Variants in AUTS2 observed in about 807,000 individuals in gnomAD.
The protein encoded by AUTS2 is activator of transcription and developmental regulator AUTS2.
Under a neutral mutation model 112.4 loss-of-function variants are expected in AUTS2, and 17 were observed. That is an observed-to-expected ratio of 0.15 (90% CI 0.10 to 0.23). The LOEUF is 0.23. Ranked by LOEUF, AUTS2 falls within the 10% of genes least tolerant of loss-of-function variation. The pLI is 1.00. For synonymous variants in AUTS2, 751 were observed against 702.7 expected, an observed-to-expected ratio of 1.07 and a Z score of -1.09; for missense variants, 1,510 against 1,701.6, an observed-to-expected ratio of 0.89 and a Z score of 1.98.
intron 1 of AUTS2, among the ~76,000 whole-genome samples, chr7:69,729,749 G>T (rs1206995016): frequency 1.3e-5 from 2 of 151,912 alleles, no homozygotes; most frequent in Non-Finnish European, 2.9e-5. Context: ...CCTTATCTGT[G>T]TACAGTTTAC....
chr7:70,441,834 G>A (rs981155090), intron 5 of AUTS2, among the ~76,000 whole-genome samples: 68 of 152,282 alleles, frequency 4.5e-4, no homozygotes, highest in African/African-American at 1.5e-3. Flanking sequence ...AACTTGGCTC[G>A]TGCAGGAGTC....
At chr7:69,820,112 T>C (rs746876385) in intron 1 of AUTS2, among the ~76,000 whole-genome samples, 27 of 152,154 alleles carry the variant, frequency 1.8e-4, no homozygotes, top group Non-Finnish European at 3.7e-4. Context: ...CTGGGAGTCA[T>C]ATACATGCAG....
chr7:70,371,933 G>A (rs907295071), intron 4 of AUTS2, among the ~76,000 whole-genome samples: 1 of 152,130 alleles, frequency 6.6e-6, no homozygotes, highest in African/African-American at 2.4e-5. Context: ...ATTTCTCTAG[G>A]ACTAAAGTAT....
intron 4 of AUTS2, among the ~76,000 whole-genome samples, chr7:70,356,933 C>T (rs1455254738): frequency 5.3e-5 from 8 of 152,130 alleles, no homozygotes; most frequent in Admixed American, 5.2e-4. Context: ...TTTCCTGTTG[C>T]TTCAAAATGA....
chr7:69,623,019 CAT>C (rs1793748514), intron 1 of AUTS2, among the ~76,000 whole-genome samples: 1 of 152,102 alleles, frequency 6.6e-6, no homozygotes, highest in Non-Finnish European at 1.5e-5. Context: ...TTTTGTCACA[CAT>C]GTTGGGTATG....
At chr7:70,763,465 T>A in intron 7 of AUTS2, 124 bp downstream of exon 7, 1 of 708,618 alleles carries the variant, frequency 1.4e-6, no homozygotes, top group Admixed American at 3.0e-5. Flanking sequence ...TCCTTTTCTC[T>A]GAGACTAGAG....
At chr7:69,984,193 G>A (rs999895888) in intron 2 of AUTS2, among the ~76,000 whole-genome samples, 18 of 151,986 alleles carry the variant, frequency 1.2e-4, no homozygotes, top group Admixed American at 1.0e-3. Flanking sequence ...CAAGGCGGGC[G>A]GATCACGAGG....
intron 2 of AUTS2, among the ~76,000 whole-genome samples, chr7:69,938,518 G>T (rs1222958295): frequency 1.3e-5 from 2 of 152,224 alleles, no homozygotes; most frequent in Non-Finnish European, 2.9e-5. Context: ...ATCCACCATT[G>T]TGAGATTATA....
chr7:70,521,104 C>T (rs1411363522), intron 5 of AUTS2, among the ~76,000 whole-genome samples: 1 of 152,150 alleles, frequency 6.6e-6, no homozygotes, highest in Admixed American at 6.5e-5. Context: ...GGTGTTTGGT[C>T]ACTGAGTAGA....
At chr7:70,183,364 G>A (rs559715091) in intron 4 of AUTS2, among the ~76,000 whole-genome samples, 7 of 152,092 alleles carry the variant, frequency 4.6e-5, no homozygotes, top group Admixed American at 6.5e-5. Context: ...GGGTAATTAC[G>A]CTAGCATTGC....
rs960362196 is a variant in AUTS2 at position 70,377,898 on chromosome 7, G to A, written c.661-57854G>A. 5.3e-5 allele frequency among the ~76,000 whole-genome samples: 8 copies of A among 150,732 alleles called. No individual in the cohort carries two copies. In the East Asian group the frequency reaches 1.6e-3, roughly 30 times the overall value. On this transcript the variant is annotated intron_variant, in intron 4 of 18. Transcript: ENST00000342771. ...CCATTCTCCTGCCTCAGCCTCCCAA[G>A]TAGCTGGGACTACAAGCGCCCGCCA...
At chr7:70,643,562 T>C (rs1313447320) in intron 5 of AUTS2, among the ~76,000 whole-genome samples, 2 of 152,132 alleles carry the variant, frequency 1.3e-5, no homozygotes, top group Non-Finnish European at 2.9e-5. Context: ...AGAGCGAGAC[T>C]CCGTCTAAAA....
At position 70,787,233 on chromosome 7, in the gene AUTS2, A is replaced by G. The variant is rs1397089237; in HGVS notation, c.2333A>G (p.Lys778Arg). The G allele has an allele frequency of 6.2e-7, 1 of 1,614,206 alleles. No homozygotes were observed. The highest frequency in any genetic ancestry group is 1.3e-5 in the African/African-American group (1 of 75,048). The change falls in exon 18 of 19, where the codon AAG becomes AGG. Residue 778 changes from lysine to arginine, a missense_variant. Coordinates refer to ENST00000342771, the MANE Select transcript of AUTS2 (RefSeq NM_015570.4). Reference sequence around the variant, plus strand: ...GCACCCAACTCAATGTTCGGCCACAAGGATGGCCCCAGTGTGCAGAACTTT... The same window carrying G: ...GCACCCAACTCAATGTTCGGCCACAGGGATGGCCCCAGTGTGCAGAACTTT... ...SVTPNSMFGHKDGPSVQNFSN... is the reference protein window; with the variant it reads ...SVTPNSMFGHRDGPSVQNFSN...
chr7:70,764,907 C>T lies in AUTS2; in HGVS notation c.1370C>T (p.Pro457Leu). The T allele has an allele frequency of 6.2e-7, 1 of 1,610,350 alleles. No homozygotes were observed. ...CAGCCCCCCGCACACTCACATCACC[C>T]CAATATGTTTGCCCCTCCCACTGCT... The part of the protein sequence containing the change: ...TLQPPAHSHH[P>L]NMFAPPTALP... The change falls in exon 8 of 19, where the codon CCC becomes CTC. Residue 457 changes from proline to leucine, a missense_variant. By Grantham distance (98) the Pro-to-Leu change is moderately conservative. Around this residue, in one of 3 missense-constraint regions of AUTS2, gnomAD observed 535 missense variants for 594.3 expected, o/e 0.90. Transcript: ENST00000342771.
At chr7:69,951,878 C>A (rs926132883) in intron 2 of AUTS2, among the ~76,000 whole-genome samples, 3 of 152,074 alleles carry the variant, frequency 2.0e-5, no homozygotes, top group Non-Finnish European at 4.4e-5. Flanking sequence ...GTGTTGGGTC[C>A]ATTTGAAGGC....
chr7:70,468,201 A>G (rs1328749940), intron 5 of AUTS2, among the ~76,000 whole-genome samples: 1 of 151,918 alleles, frequency 6.6e-6, no homozygotes, highest in Non-Finnish European at 1.5e-5. Flanking sequence ...TTGTGTCCAC[A>G]TTAACTGAAG....
chr7:70,732,999 G>A (rs1787521409), intron 6 of AUTS2, among the ~76,000 whole-genome samples: 2 of 152,162 alleles, frequency 1.3e-5, no homozygotes, highest in African/African-American at 4.8e-5. Context: ...TGCATCTTAT[G>A]CTATTTCCAC....
At chr7:69,881,596 T>G (rs1794048166) in intron 1 of AUTS2, among the ~76,000 whole-genome samples, 1 of 152,158 alleles carries the variant, frequency 6.6e-6, no homozygotes. Flanking sequence ...CTGGTAGCAG[T>G]TAACATGATG....
chr7:69,824,372 G>C (rs1032536252), intron 1 of AUTS2, among the ~76,000 whole-genome samples: 3 of 151,518 alleles, frequency 2.0e-5, no homozygotes, highest in Non-Finnish European at 4.4e-5. Context: ...TCGCGCCACC[G>C]CACTCCAGCC....
Sources: gnomAD v4.1 joint callset for allele counts (sites outside exome capture counted in the v4.1 genomes callset) on GRCh38, gnomAD v4.1.1 for gene constraint, gnomAD v4.1.1 regional missense constraint, MANE v1.5 for transcripts, NCBI Gene and HGNC (gene_info 2026-07-23, HGNC 2026-07-21) for gene names.